The following LRRC75B variants were observed in gnomAD, a reference collection of about 807,000 sequenced individuals.
LRRC75B encodes the protein leucine-rich repeat-containing protein 75B.
Under a neutral mutation model 16.5 loss-of-function variants are expected in LRRC75B, and 20 were observed. The ratio of observed to expected loss-of-function variants is 1.21; its 90% CI spans 0.85 to 1.76. LRRC75B has a LOEUF of 1.76. LRRC75B is among the 40% of genes most tolerant of loss of function. The pLI is 0.00. For missense variants in LRRC75B, 406 were observed against 417.0 expected (o/e 0.97, Z 0.23); for synonymous variants, 199 against 198.1 (o/e 1.00, Z -0.04).
rs893167858 is a variant in LRRC75B at position 24,585,763 on chromosome 22, T to A, written c.*123A>T. 1 of 1,062,510 alleles carries A rather than the reference T, an allele frequency of 9.4e-7. No homozygotes were observed. Among genetic ancestry groups the A allele is most frequent in the African/African-American group, 1.6e-5 (1 of 62,406 alleles). The allele number at this position is 1,062,510 out of a possible 1,614,324, so 65.8% of individuals were successfully genotyped here. On this transcript the variant is annotated 3_prime_UTR_variant, in exon 4 of 4. Transcript: ENST00000318753. The stretch of plus-strand genomic sequence containing the variant: ...TGAGTCCATTCTTCTGTCCCCTTAA[T>A]CTCAGGCTGAGCATTTACACTGGAT...
At chr22:24,589,367 G>A (rs1007049759) in intron 2 of LRRC75B, 37 of 1,127,692 alleles carry the variant, frequency 3.3e-5, no homozygotes, top group East Asian at 1.8e-4. Context: ...GCACCCGTCC[G>A]CAAGGGTGTC....
chr22:24,588,951 T>C, intron 2 of LRRC75B: 1 of 1,005,064 alleles, frequency 9.9e-7, no homozygotes, highest in Non-Finnish European at 1.2e-6. Context: ...AAGCTGGCAC[T>C]GAGCATGCTC....
intron 2 of LRRC75B, chr22:24,588,873 T>G: frequency 3.0e-6 from 3 of 1,006,152 alleles, no homozygotes; most frequent in Non-Finnish European, 3.6e-6. Flanking sequence ...CACCTGGCTC[T>G]CTCTCAGTCC....
chr22:24,587,670 G>C (rs2045438231), intron 3 of LRRC75B, among the ~76,000 whole-genome samples: 1 of 152,190 alleles, frequency 6.6e-6, no homozygotes, highest in Non-Finnish European at 1.5e-5. Flanking sequence ...GTCTGAGAGG[G>C]ACCCATGGCA....
chr22:24,586,387 A>G lies in LRRC75B; in HGVS notation c.447T>C (p.Thr149=). Reference sequence around the variant, plus strand: ...GGTCCACAGTCTCCCCTGCCAGCAGAGTCTTCTGGAGGCTGCTCTTGAGGC... The same window carrying G: ...GGTCCACAGTCTCCCCTGCCAGCAGGGTCTTCTGGAGGCTGCTCTTGAGGC... ...QSCLKSSLQK[T]LLAGETVDLS... The change falls in exon 4 of 4, where the codon ACT becomes ACC. Residue 149 remains threonine, a synonymous_variant. Transcript: ENST00000318753. The G allele has an allele frequency of 6.2e-7, 1 of 1,613,114 alleles. No individual in the cohort carries two copies. Among genetic ancestry groups the G allele is most frequent in the East Asian group, 2.2e-5 (1 of 44,876 alleles).
chr22:24,588,483 C>T, intron 2 of LRRC75B, 154 bp from the exon 3 acceptor site: 1 of 764,948 alleles, frequency 1.3e-6, no homozygotes, highest in Non-Finnish European at 2.1e-6. Flanking sequence ...CCTCCTACCC[C>T]CCAACCCGGC....
Position 24,585,700 on chromosome 22 carries a change from G to C in LRRC75B, c.*186C>G, listed in dbSNP as rs764994116. On this transcript the variant is annotated 3_prime_UTR_variant, in exon 4 of 4. Transcript: ENST00000318753. ...CTGGGGCCCCTCCCACTGAGGGAAGGCTGAGCCTCTAGCCAGGGCTGGCCA... is the reference window on the plus strand; with the variant it reads ...CTGGGGCCCCTCCCACTGAGGGAAGCCTGAGCCTCTAGCCAGGGCTGGCCA... 1.3e-5 allele frequency: 9 copies of C among 675,896 alleles called. No homozygotes were observed. Among genetic ancestry groups the C allele is most frequent in the Non-Finnish European group, 2.0e-5 (8 of 409,276 alleles). The allele number at this position is 675,896 out of a possible 1,614,324, so 41.9% of individuals were successfully genotyped here.
In LRRC75B at chr22:24,592,895, G is replaced by T. The variant is rs1362022895; in HGVS notation, c.145C>A (p.Arg49Ser). The T allele has an allele frequency of 7.0e-6, 9 of 1,280,460 alleles. No homozygotes were observed. The highest frequency in any genetic ancestry group is 7.9e-6 in the Non-Finnish European group (8 of 1,013,166). The allele number at this position is 1,280,460 out of a possible 1,614,324, so 79.3% of individuals were successfully genotyped here. Residue 49 changes from arginine (R) to serine (S), a missense_variant, in exon 1 of 4, where the codon CGC becomes AGC. Transcript: ENST00000318753. ...AGGAGGCGCAGCAGCTGCCGGGCGC[G>T]CTCCGGCCGCCGCTCGCGGAGCGTG... ...QSTLRERRPERARQLLRLLRQ... is the reference protein window; with the variant it reads ...QSTLRERRPESARQLLRLLRQ...
At chr22:24,589,564 T>C (rs2045506747) in intron 2 of LRRC75B, 1 of 472,324 alleles carries the variant, frequency 2.1e-6, no homozygotes, top group Non-Finnish European at 3.4e-6. Context: ...CCAGGCCTGG[T>C]GCACAGTGCT....
chr22:24,588,642 G>T, intron 2 of LRRC75B: 1 of 1,126,732 alleles, frequency 8.9e-7, no homozygotes, highest in Non-Finnish European at 1.1e-6. Flanking sequence ...CTATCAGCCG[G>T]CTGCCTGCCC....
In LRRC75B at chr22:24,586,335, C is replaced by T. The variant is rs2045392444; in HGVS notation, c.499G>A (p.Asp167Asn). The T allele has an allele frequency of 6.2e-7, 1 of 1,613,960 alleles. No individual in the cohort carries two copies. Among genetic ancestry groups the T allele is most frequent in the Non-Finnish European group, 8.5e-7 (1 of 1,180,040 alleles). ...DLSGIPLSTQ[D>N]VQHITRYLSS... is the part of the protein sequence containing the mutation. ...AGGTAGCGTGTGATGTGTTGCACGT[C>T]CTGTGTCGACAGCGGGATGCCTGAG... The change falls in exon 4 of 4, where the codon GAC becomes AAC. Residue 167 changes from aspartate (D) to asparagine (N), a missense_variant. Physicochemically the swap from Asp to Asn is conservative, Grantham distance 23. Transcript: ENST00000318753.
At position 24,585,775 on chromosome 22, in the gene LRRC75B, C is replaced by T. The variant is rs2045374779; in HGVS notation, c.*111G>A. The T allele has an allele frequency of 8.9e-7, 1 of 1,128,850 alleles. No homozygotes were observed. Among genetic ancestry groups the T allele is most frequent in the African/African-American group, 1.6e-5 (1 of 63,876 alleles). 69.9% of individuals were successfully genotyped at this position (1,128,850 alleles called of 1,614,324 possible). A position where few individuals can be genotyped will look rare whatever the true frequency, so the allele number is the denominator to read the frequency against. On this transcript the variant is annotated 3_prime_UTR_variant, in exon 4 of 4. Transcript: ENST00000318753. The stretch of plus-strand genomic sequence containing the variant: ...TCTGTCCCCTTAATCTCAGGCTGAG[C>T]ATTTACACTGGATTTCTGGGGGCCT...
At position 24,593,058 on chromosome 22, in the gene LRRC75B, GCCGAA is replaced by G; in HGVS notation, c.-24_-20del. ...CCCCCATGGCCGCCGCGCGATGGTC[GCCGAA>G]CCCACAGGAGGCCGGGCTGTCTGCG... is the stretch of plus-strand genomic sequence containing the variant. On this transcript the variant is annotated 5_prime_UTR_variant, in exon 1 of 4. Coordinates refer to ENST00000318753, the MANE Select transcript of LRRC75B (RefSeq NM_207644.3). 9.6e-7 allele frequency: 1 copy of G among 1,038,406 alleles called. No individual in the cohort carries two copies. 64.3% of individuals were successfully genotyped at this position (1,038,406 alleles called of 1,614,324 possible). A position where few individuals can be genotyped will look rare whatever the true frequency, so the allele number is the denominator to read the frequency against.
chr22:24,587,704 G>A (rs1157617194), intron 3 of LRRC75B, among the ~76,000 whole-genome samples: 3 of 152,186 alleles, frequency 2.0e-5, no homozygotes, highest in Non-Finnish European at 1.5e-5. Context: ...GGCAGCCACG[G>A]AAGCCTCAGT....
intron 1 of LRRC75B, among the ~76,000 whole-genome samples, chr22:24,590,689 C>T (rs1307591646): frequency 1.3e-5 from 2 of 152,126 alleles, no homozygotes; most frequent in Admixed American, 6.5e-5. Flanking sequence ...TCCTAAGCTG[C>T]GGCCAGCATC....
chr22:24,592,267 A>G (rs2045592206), intron 1 of LRRC75B: 2 of 465,288 alleles, frequency 4.3e-6, no homozygotes, highest in Non-Finnish European at 8.8e-6. Context: ...TGTGATGCAC[A>G]GATGCTGGGG....
intron 3 of LRRC75B, among the ~76,000 whole-genome samples, chr22:24,587,828 G>A (rs755845193): frequency 4.6e-5 from 7 of 152,270 alleles, no homozygotes; most frequent in Middle Eastern, 3.4e-3. Flanking sequence ...TCTAAAATGA[G>A]AATCGCGATC....
chr22:24,591,825 C>A (rs753488894), intron 1 of LRRC75B, among the ~76,000 whole-genome samples: 2 of 152,212 alleles, frequency 1.3e-5, no homozygotes, highest in Non-Finnish European at 2.9e-5. Context: ...CCAGACAGGG[C>A]CCCAGACCGC....
intron 2 of LRRC75B, 91 bp downstream of exon 2, chr22:24,589,730 G>A: frequency 7.1e-7 from 1 of 1,409,868 alleles, no homozygotes; most frequent in Non-Finnish European, 9.4e-7. Flanking sequence ...AGCCGCAGAA[G>A]GACCTAGCCT....
Sources: gnomAD v4.1 joint callset for allele counts (sites outside exome capture counted in the v4.1 genomes callset) on GRCh38, gnomAD v4.1.1 for gene constraint, MANE v1.5 for transcripts, NCBI Gene and HGNC (gene_info 2026-07-23, HGNC 2026-07-21) for gene names.